The following RBM4 variants were observed in gnomAD, a reference collection of about 807,000 sequenced individuals.
RBM4 encodes the protein RNA-binding protein 4.
In RBM4, 7 loss-of-function variants were observed where a neutral mutation model predicts 29.5. That is an observed-to-expected ratio of 0.24 (90% CI 0.14 to 0.45). RBM4 has a LOEUF of 0.45. Ranked by LOEUF, RBM4 falls within the 20% of genes least tolerant of loss-of-function variation. The probability of loss-of-function intolerance (pLI) is 1.00; values close to 1 mark genes in which losing one functional copy is unlikely to be tolerated. For missense variants in RBM4, 387 were observed against 502.3 expected, an observed-to-expected ratio of 0.77 and a Z score of 2.19; for synonymous variants, 220 against 205.4, an observed-to-expected ratio of 1.07 and a Z score of -0.61.
intron 2 of RBM4, among the ~76,000 whole-genome samples, chr11:66,661,256 C>T (rs1939078671): frequency 6.6e-6 from 1 of 152,234 alleles, no homozygotes; most frequent in Admixed American, 6.5e-5. Context: ...AACAAACTGA[C>T]AGCTCTTCCC....
At chr11:66,653,458 T>C (rs1429397145) in intron 2 of RBM4, among the ~76,000 whole-genome samples, 1 of 149,598 alleles carries the variant, frequency 6.7e-6, no homozygotes, top group Non-Finnish European at 1.5e-5. Context: ...GCTTCTTGGG[T>C]CCAAGCAAAT....
At chr11:66,655,899 GT>G (rs1284997967) in intron 2 of RBM4, among the ~76,000 whole-genome samples, 20 of 149,758 alleles carry the variant, frequency 1.3e-4, no homozygotes, top group South Asian at 2.1e-4. Flanking sequence ...GCTTTTCTGA[GT>G]TTTTTTTTTA....
chr11:66,658,504 T>C (rs959363782), intron 2 of RBM4, among the ~76,000 whole-genome samples: 5 of 152,112 alleles, frequency 3.3e-5, no homozygotes, highest in Non-Finnish European at 5.9e-5. Flanking sequence ...TTCCCAGTTA[T>C]CACTAGTGCC....
At position 66,643,692 on chromosome 11, in the gene RBM4, G is replaced by C. The variant is rs1367445769; in HGVS notation, c.655G>C (p.Asp219His). The change falls in exon 3 of 4, where the codon GAT (aspartate) becomes CAT (histidine). Residue 219 changes from aspartate to histidine, a missense_variant. Asp to His is a moderately conservative substitution (Grantham distance 81). Around this residue, in one of 2 missense-constraint regions of RBM4, gnomAD observed 281 missense variants for 288.7 expected, o/e 0.97. Transcript: ENST00000310092. This position sits in a 1 kb window ranked among gnomAD's most constrained non-coding sequence, Gnocchi z 6.1. ...LYYNNAYGAL[D>H]AYYKRCRAAR... ...TTACAACAACGCGTACGGAGCGCTC[G>C]ATGCCTACTACAAGCGCTGCCGTGC... The C allele has an allele frequency of 2.0e-5, 32 of 1,614,146 alleles. No homozygotes were observed. Among genetic ancestry groups the C allele is most frequent in the Non-Finnish European group, 2.7e-5 (32 of 1,180,016 alleles).
chr11:66,656,559 G>T (rs1938953761), intron 2 of RBM4, among the ~76,000 whole-genome samples: 1 of 152,134 alleles, frequency 6.6e-6, no homozygotes, highest in Non-Finnish European at 1.5e-5. Flanking sequence ...TTACAGGCAT[G>T]AGCCACTATG....
intron 3 of RBM4, chr11:66,644,344 G>A: frequency 1.5e-6 from 1 of 688,734 alleles, no homozygotes; most frequent in Non-Finnish European, 2.3e-6. Flanking sequence ...ATTTTTCAGG[G>A]CTTCTGGTAG....
Position 66,643,770 on chromosome 11 carries a change from G to T in RBM4, c.733G>T (p.Ala245Ser), listed in dbSNP as rs751683036. ...TGCAGCTGCCTCCGTGTATAATTAC[G>T]CAGAGCAGACCCTGTCCCAGCTGCC... The part of the protein sequence containing the change: ...AAAAASVYNY[A>S]EQTLSQLPQV... The change falls in exon 3 of 4, where the codon GCA becomes TCA. Residue 245 changes from alanine to serine, a missense_variant. By Grantham distance (99) the Ala-to-Ser change is moderately conservative. Transcript: ENST00000310092. The surrounding 1 kb of genome is among the most constrained non-coding windows in gnomAD (Gnocchi z 6.1). The T allele has an allele frequency of 1.2e-6, 2 of 1,613,908 alleles. No homozygotes were observed. Among genetic ancestry groups the T allele is most frequent in the South Asian group, 1.1e-5 (1 of 91,080 alleles).
intron 3 of RBM4, 78 bp from the exon 4 acceptor site, chr11:66,645,949 T>C (rs1268777930): frequency 5.5e-5 from 84 of 1,535,128 alleles, no homozygotes; most frequent in Non-Finnish European, 6.9e-5. Context: ...TATCAGACTT[T>C]GTAAAGATGT....
At chr11:66,645,153 T>C (rs1033277017) in intron 3 of RBM4, among the ~76,000 whole-genome samples, 1 of 152,168 alleles carries the variant, frequency 6.6e-6, no homozygotes, top group Non-Finnish European at 1.5e-5. Context: ...CTACCCTGAG[T>C]CCGCTGGCTT....
At position 66,653,074 on chromosome 11, in the gene RBM4, C is replaced by T. The variant is rs146071312; in HGVS notation, c.413-12782C>T. On this transcript the variant is annotated intron_variant, in intron 2 of 2. Transcript: ENST00000396053. ...TGTGTGCCTGCTGGTTTGAGTTCCT[C>T]TGTCCAACATCAGAATTGTTTGTAT... Among the ~76,000 whole-genome samples the T allele has an allele frequency of 2.2e-4, 33 of 152,336 alleles. No homozygotes were observed. The East Asian group carries it at 5.8e-3, about 27-fold the overall frequency.
At chr11:66,664,171 G>GTTTT (rs767344100) in intron 2 of RBM4, among the ~76,000 whole-genome samples, 10 of 113,552 alleles carry the variant, frequency 8.8e-5, no homozygotes, top group Non-Finnish European at 1.1e-4. Flanking sequence ...ATGCCCAGCT[G>GTTTT]TTTTTTTTTT....
Position 66,643,322 on chromosome 11 carries a change from C to A in RBM4, c.413-128C>A, listed in dbSNP as rs1331084040. Reference sequence around the variant, plus strand: ...AGTCTTTTTTTTTTTTCCTTTTTATCTTTTCCTAAAGATGAGTCCTGCATT... The same window carrying A: ...AGTCTTTTTTTTTTTTCCTTTTTATATTTTCCTAAAGATGAGTCCTGCATT... On this transcript the variant is annotated intron_variant, in intron 2 of 3. Transcript: ENST00000310092. The surrounding 1 kb of genome is among the most constrained non-coding windows in gnomAD (Gnocchi z 6.1). 526 of 1,011,460 alleles carry A rather than the reference C, an allele frequency of 5.2e-4. No individual in the cohort carries two copies. The highest frequency in any genetic ancestry group is 8.4e-4 in the East Asian group (27 of 32,214). The allele number at this position is 1,011,460 out of a possible 1,614,324, so 62.7% of individuals were successfully genotyped here.
chr11:66,639,486 C>T (rs1272434862), intron 1 of RBM4: 1 of 629,938 alleles, frequency 1.6e-6, no homozygotes, highest in Non-Finnish European at 2.7e-6. Context: ...AAGGACCTCC[C>T]TATTGCAGAC....
chr11:66,641,320 T>C (rs1443882904), intron 2 of RBM4: 1 of 152,212 alleles, frequency 6.6e-6, no homozygotes, highest in African/African-American at 2.4e-5. Flanking sequence ...TTCCCTTAAA[T>C]TGGGCTTTTT....
rs754595873 is a variant in RBM4 at position 66,640,142 on chromosome 11, G to T, written c.412+19G>T. 1 of 1,614,124 alleles carries T rather than the reference G, an allele frequency of 6.2e-7. No homozygotes were observed. The highest frequency in any genetic ancestry group is 2.2e-5 in the East Asian group (1 of 44,872). ...TTTCAAGGTGAACCACCCTCTTTGGGTAGAGGGCTGAACACAAGGCTGTGT... is the reference window on the plus strand; with the variant it reads ...TTTCAAGGTGAACCACCCTCTTTGGTTAGAGGGCTGAACACAAGGCTGTGT... On this transcript the variant is annotated intron_variant, in intron 2 of 3. Transcript: ENST00000310092.
chr11:66,664,094 A>G (rs1186667998), intron 2 of RBM4, among the ~76,000 whole-genome samples: 1 of 150,662 alleles, frequency 6.6e-6, no homozygotes, highest in Non-Finnish European at 1.5e-5. Context: ...TGCAGCCTCA[A>G]CCTCCTGGGC....
chr11:66,643,854 G>A lies in RBM4; in HGVS notation c.817G>A (p.Asp273Asn), dbSNP rs1264547052. ...HLTSTSLDPY[D>N]RHLLPTSGAA... Reference sequence around the variant, plus strand: ...CACCTCCACCTCTCTCGATCCCTACGATAGACACCTGTTGCCGACCTCAGG... The same window carrying A: ...CACCTCCACCTCTCTCGATCCCTACAATAGACACCTGTTGCCGACCTCAGG... Residue 273 changes from aspartate to asparagine, a missense_variant, in exon 3 of 4, where the codon GAT (aspartate) becomes AAT (asparagine). Physicochemically the swap from Asp to Asn is conservative, Grantham distance 23 (BLOSUM62 1). Coordinates refer to ENST00000310092, the MANE Select transcript of RBM4 (RefSeq NM_002896.4). This position sits in a 1 kb window ranked among gnomAD's most constrained non-coding sequence, Gnocchi z 6.1. 4 of 1,613,830 alleles carry A rather than the reference G, an allele frequency of 2.5e-6. No homozygotes were observed. Among genetic ancestry groups the A allele is most frequent in the Non-Finnish European group, 3.4e-6 (4 of 1,179,974 alleles).
chr11:66,659,327 G>A (rs1327461823), intron 2 of RBM4, among the ~76,000 whole-genome samples: 1 of 133,988 alleles, frequency 7.5e-6, no homozygotes, highest in Non-Finnish European at 1.5e-5. Context: ...CTGTAGTGCA[G>A]TGGCGCGATC....
At position 66,665,760 on chromosome 11, in the gene RBM4, T is replaced by C. The variant is rs878899071; in HGVS notation, c.413-96T>C. On this transcript the variant is annotated intron_variant, in intron 2 of 2. Coordinates refer to the RBM4 transcript ENST00000396053. ...ACCTAGGAGTCTATCAATAGCTATATATAGGAATCCACTTATGGCTATATA... is the reference window on the plus strand; with the variant it reads ...ACCTAGGAGTCTATCAATAGCTATACATAGGAATCCACTTATGGCTATATA... 32 of 1,302,386 alleles carry C rather than the reference T, an allele frequency of 2.5e-5. No individual in the cohort carries two copies. The South Asian group carries it at 4.2e-4, about 17-fold the overall frequency. The allele number at this position is 1,302,386 out of a possible 1,614,324, so 80.7% of individuals were successfully genotyped here.
Sources: allele counts gnomAD v4.1 joint callset (sites outside exome capture counted in the v4.1 genomes callset), GRCh38; gene constraint gnomAD v4.1.1; regional missense constraint gnomAD v4.1.1; non-coding constraint Gnocchi (gnomAD v3.1); transcripts MANE v1.5; gene names NCBI Gene and HGNC (gene_info 2026-07-23, HGNC 2026-07-21).